Variants in PPP2R5A observed in about 807,000 individuals in gnomAD.
The protein encoded by PPP2R5A is serine/threonine-protein phosphatase 2A 56 kDa regulatory subunit alpha isoform.
In PPP2R5A, 25 loss-of-function variants were observed where a neutral mutation model predicts 64.2. The observed-to-expected ratio is 0.39, with a 90% CI of 0.28 to 0.54. PPP2R5A has a LOEUF of 0.54. Ranked by LOEUF, PPP2R5A falls within the 20% of genes least tolerant of loss-of-function variation. The pLI, the probability that PPP2R5A is intolerant of heterozygous loss-of-function variation, is 0.67. For missense variants in PPP2R5A, 425 were observed against 576.3 expected (o/e 0.74, Z 2.69); for synonymous variants, 198 against 201.2 (o/e 0.98, Z 0.13).
rs1055606628 is a variant in PPP2R5A, at chr1:212,347,336, T to C, written c.705-11T>C. On this transcript the variant is annotated splice_polypyrimidine_tract_variant and intron_variant, in intron 5 of 12. Coordinates refer to ENST00000261461, the MANE Select transcript of PPP2R5A (RefSeq NM_006243.4). ...GATTTTGATTACATCTTGTCTTTAT[T>C]TTAAATTCAGGTTTATATATGAAAC... is the stretch of plus-strand genomic sequence containing the variant. The C allele has an allele frequency of 6.5e-7, 1 of 1,542,294 alleles. No individual in the cohort carries two copies.
At chr1:212,348,346 G>C in intron 6 of PPP2R5A, 43 bp from the exon 7 acceptor site, 3 of 1,259,138 alleles carry the variant, frequency 2.4e-6, no homozygotes, top group Non-Finnish European at 3.5e-6. Context: ...TAGAAACAAA[G>C]TAGTAACTAC....
At position 212,358,788 on chromosome 1, in the gene PPP2R5A, G is replaced by A; in HGVS notation, c.1328+1G>A. On this transcript the variant is annotated splice_donor_variant, in intron 12 of 12. Transcript: ENST00000261461. LOFTEE classifies it high-confidence loss of function. ...GCTCATACAAAGCTGAAAGACAGAGGTATTTGATATTTTGAATTACAAAAT... is the reference window on the plus strand; with the variant it reads ...GCTCATACAAAGCTGAAAGACAGAGATATTTGATATTTTGAATTACAAAAT... The A allele has an allele frequency of 6.2e-7, 1 of 1,606,482 alleles. No individual in the cohort carries two copies. The highest frequency in any genetic ancestry group is 8.5e-7 in the Non-Finnish European group (1 of 1,174,288).
chr1:212,330,830 C>A (rs1285455527), intron 2 of PPP2R5A, among the ~76,000 whole-genome samples: 1 of 151,432 alleles, frequency 6.6e-6, no homozygotes, highest in African/African-American at 2.4e-5. Context: ...TGTTTTTTTT[C>A]CTTAGAGAGA....
At position 212,360,907 on chromosome 1, in the gene PPP2R5A, T is replaced by C; in HGVS notation, c.*137T>C. 1.4e-6 allele frequency: 1 copy of C among 738,758 alleles called. No individual in the cohort carries two copies. The highest frequency in any genetic ancestry group is 3.2e-5 in the East Asian group (1 of 31,206). 45.8% of individuals were successfully genotyped at this position (738,758 alleles called of 1,614,324 possible). A position where few individuals can be genotyped will look rare whatever the true frequency, so the allele number is the denominator to read the frequency against. ...TTTCTGGCAACTGTAAATGGAAAAA[T>C]ATATGGACTAAACGTAGCCCTGTGC... is the stretch of plus-strand genomic sequence containing the variant. On this transcript the variant is annotated 3_prime_UTR_variant, in exon 13 of 13. Transcript: ENST00000261461.
Position 212,345,916 on chromosome 1 carries a change from T to G in PPP2R5A, c.687T>G (p.Ile229Met). Residue 229 changes from isoleucine to methionine, a missense_variant, in exon 5 of 13, where the codon ATT becomes ATG. By Grantham distance (10) the Ile-to-Met change is conservative. This residue lies in a region of PPP2R5A where 140 missense variants were observed against 204.4 expected (regional missense o/e 0.68). Transcript: ENST00000261461. Reference protein sequence around the residue: ...LGLRAFIRKQINNIFLRFIYE... With the variant: ...LGLRAFIRKQMNNIFLRFIYE... Reference sequence around the variant, plus strand: ...TAAGAGCATTCATCAGAAAACAAATTAACAACATTTTCCTCAGGTAAATTA... The same window carrying G: ...TAAGAGCATTCATCAGAAAACAAATGAACAACATTTTCCTCAGGTAAATTA... 1.2e-6 allele frequency: 2 copies of G among 1,604,220 alleles called. No homozygotes were observed. Among genetic ancestry groups the G allele is most frequent in the Non-Finnish European group, 1.7e-6 (2 of 1,174,164 alleles).
intron 3 of PPP2R5A, among the ~76,000 whole-genome samples, chr1:212,334,504 G>T (rs1336670685): frequency 2.0e-5 from 3 of 152,126 alleles, no homozygotes; most frequent in Non-Finnish European, 2.9e-5. Flanking sequence ...ATGTTGCCCA[G>T]GCTGGTTTCG....
At chr1:212,293,920 C>G (rs1206718158) in intron 1 of PPP2R5A, among the ~76,000 whole-genome samples, 2 of 152,068 alleles carry the variant, frequency 1.3e-5, no homozygotes, top group African/African-American at 4.8e-5. Context: ...TAATAAATAT[C>G]TTGCCATTTC....
intron 1 of PPP2R5A, among the ~76,000 whole-genome samples, chr1:212,307,681 T>C (rs1658946260): frequency 6.6e-6 from 1 of 152,216 alleles, no homozygotes; most frequent in Non-Finnish European, 1.5e-5. Context: ...TAATTATCTT[T>C]ACTGGTGCTC....
At chr1:212,321,433 G>A (rs1659289987) in intron 1 of PPP2R5A, among the ~76,000 whole-genome samples, 1 of 151,864 alleles carries the variant, frequency 6.6e-6, no homozygotes, top group South Asian at 2.1e-4. Flanking sequence ...TTCCCAGACG[G>A]AGTGGCTGCC....
At chr1:212,329,934 G>A (rs1198228547) in intron 2 of PPP2R5A, among the ~76,000 whole-genome samples, 4 of 152,114 alleles carry the variant, frequency 2.6e-5, no homozygotes, top group African/African-American at 7.2e-5. Context: ...GTGAGCCACC[G>A]CACCCGGCCA....
chr1:212,347,704 G>A lies in PPP2R5A; in HGVS notation c.764+298G>A, dbSNP rs184636833. ...ACAGGTGCCTGCCACCACACCCAAC[G>A]AATTTTTTAATTTTTATTTTTAGTA... On this transcript the variant is annotated intron_variant, in intron 6 of 12. Coordinates refer to ENST00000261461, the MANE Select transcript of PPP2R5A (RefSeq NM_006243.4). Among the ~76,000 whole-genome samples, 20 of 151,862 alleles carry A rather than the reference G, an allele frequency of 1.3e-4. 1 individual carries two copies. The highest frequency in any genetic ancestry group is 2.9e-4 in the African/African-American group (12 of 41,412).
intron 1 of PPP2R5A, among the ~76,000 whole-genome samples, chr1:212,317,797 C>T (rs1352745957): frequency 6.6e-6 from 1 of 151,986 alleles, no homozygotes; most frequent in Non-Finnish European, 1.5e-5. Flanking sequence ...ACCAGTCTGG[C>T]CAAGATGGTG....
At chr1:212,324,997 T>C (rs1476129059) in intron 1 of PPP2R5A, among the ~76,000 whole-genome samples, 1 of 152,202 alleles carries the variant, frequency 6.6e-6, no homozygotes, top group Non-Finnish European at 1.5e-5. Context: ...CCTTGTTCAG[T>C]AGACTGTATT....
intron 2 of PPP2R5A, among the ~76,000 whole-genome samples, chr1:212,331,979 C>T (rs1280966523): frequency 6.6e-6 from 1 of 152,176 alleles, no homozygotes; most frequent in Non-Finnish European, 1.5e-5. Flanking sequence ...TTGTTATATA[C>T]AGTTAATTTT....
chr1:212,301,869 C>G, intron 1 of PPP2R5A: 1 of 1,303,128 alleles, frequency 7.7e-7, no homozygotes, highest in South Asian at 2.0e-5. Context: ...CTTTAGATTT[C>G]AAGTATGTTA....
rs374082551 is a variant in PPP2R5A, at chr1:212,342,260, G to C, written c.553G>C (p.Asp185His). Residue 185 changes from aspartate to histidine, a missense_variant, in exon 4 of 13, where the codon GAT becomes CAT. By Grantham distance (81) the Asp-to-His change is moderately conservative (BLOSUM62 -1). Around this residue, in one of 4 missense-constraint regions of PPP2R5A, gnomAD observed 140 missense variants for 204.4 expected, o/e 0.68. Transcript: ENST00000261461. ...GCCTAGCATTGCAAAACGATACATTGATCAGAAATTCGTACAACAGGTAAG... is the reference window on the plus strand; with the variant it reads ...GCCTAGCATTGCAAAACGATACATTCATCAGAAATTCGTACAACAGGTAAG... ...FQPSIAKRYI[D>H]QKFVQQLLEL... is the part of the protein sequence containing the mutation. The C allele has an allele frequency of 1.1e-4, 172 of 1,612,920 alleles. No individual in the cohort carries two copies. The highest frequency in any genetic ancestry group is 1.4e-4 in the Non-Finnish European group (167 of 1,179,498).
At chr1:212,334,600 T>A (rs1468213784) in intron 3 of PPP2R5A, among the ~76,000 whole-genome samples, 1 of 152,206 alleles carries the variant, frequency 6.6e-6, no homozygotes, top group African/African-American at 2.4e-5. Context: ...TCTTTCAGTG[T>A]TTATCTAGGA....
intron 8 of PPP2R5A, among the ~76,000 whole-genome samples, chr1:212,350,171 T>C (rs926734861): frequency 3.9e-5 from 6 of 152,194 alleles, no homozygotes; most frequent in African/African-American, 1.4e-4. Flanking sequence ...AAAAATCATA[T>C]ACTTAGTATT....
chr1:212,343,004 G>A (rs558133945), intron 4 of PPP2R5A, among the ~76,000 whole-genome samples: 1 of 151,926 alleles, frequency 6.6e-6, no homozygotes, highest in Admixed American at 6.6e-5. Flanking sequence ...CTGGAGCACA[G>A]TGGTGCAACC....
Sources: allele counts gnomAD v4.1 joint callset (sites outside exome capture counted in the v4.1 genomes callset), GRCh38; gene constraint gnomAD v4.1.1; regional missense constraint gnomAD v4.1.1; transcripts MANE v1.5; gene names NCBI Gene and HGNC (gene_info 2026-07-23, HGNC 2026-07-21).